The following B3GALNT1 variants were observed in gnomAD, a reference collection of about 807,000 sequenced individuals.
The protein encoded by B3GALNT1 is UDP-GalNAc:beta-1,3-N-acetylgalactosaminyltransferase 1.
Under a neutral mutation model 27.3 loss-of-function variants are expected in B3GALNT1, and 17 were observed. That is an observed-to-expected ratio of 0.62 (90% confidence interval 0.43 to 0.94). The LOEUF is 0.94. B3GALNT1 is among the 40% of genes least tolerant of loss of function. B3GALNT1 has a pLI of 0.00. For synonymous variants in B3GALNT1, 141 were observed against 144.0 expected, an observed-to-expected ratio of 0.98 and a Z score of 0.15; for missense variants, 347 against 390.0, an observed-to-expected ratio of 0.89 and a Z score of 0.93.
chr3:161,090,183 A>C (rs1366728261), intron 4 of B3GALNT1: 1 of 154,324 alleles, frequency 6.5e-6, no homozygotes, highest in African/African-American at 2.4e-5. Flanking sequence ...AACCATCCAA[A>C]AAGATAATTT....
Position 161,086,023 on chromosome 3 carries a change from T to G in B3GALNT1, c.732A>C (p.Ile244=). The change falls in exon 5 of 5, where the codon ATA becomes ATC. Residue 244 remains isoleucine (I), a synonymous_variant. Coordinates refer to ENST00000320474, the MANE Select transcript of B3GALNT1 (RefSeq NM_003781.4). ...TCCTTGGCACCAAATCTCTGGACATTATATAACCCAACCCACTGCAGTATG... is the reference window on the plus strand; with the variant it reads ...TCCTTGGCACCAAATCTCTGGACATGATATAACCCAACCCACTGCAGTATG... ...FPPYCSGLGY[I]MSRDLVPRIY... 6.3e-7 allele frequency: 1 copy of G among 1,587,956 alleles called. No homozygotes were observed. Among genetic ancestry groups the G allele is most frequent in the Non-Finnish European group, 8.6e-7 (1 of 1,169,328 alleles).
intron 3 of B3GALNT1, among the ~76,000 whole-genome samples, chr3:161,102,801 T>C (rs1348199280): frequency 6.6e-6 from 1 of 152,122 alleles, no homozygotes; most frequent in African/African-American, 2.4e-5. Context: ...CTGGACATGA[T>C]ATAGTTGTGA....
intron 2 of B3GALNT1, 71 bp downstream of exon 2, chr3:161,104,248 T>C (rs1167057941): frequency 8.3e-7 from 1 of 1,201,042 alleles, no homozygotes; most frequent in African/African-American, 1.6e-5. Context: ...GCCCTTCTTT[T>C]GCTTAAGCCT....
At chr3:161,100,336 T>TG (rs1730558273) in intron 4 of B3GALNT1, among the ~76,000 whole-genome samples, 1 of 152,136 alleles carries the variant, frequency 6.6e-6, no homozygotes, top group South Asian at 2.1e-4. Context: ...TGTCACACAG[T>TG]TTTAGGTAGA....
rs1250730181 is a variant in B3GALNT1, at chr3:161,084,223, T to C, written c.*1536A>G. 1 of 152,184 alleles carries C rather than the reference T, an allele frequency of 6.6e-6. No homozygotes were observed. Among genetic ancestry groups the C allele is most frequent in the Non-Finnish European group, 1.5e-5 (1 of 68,022 alleles). The allele number at this position is 152,184 out of a possible 1,614,324, so 9.4% of individuals were successfully genotyped here. On this transcript the variant is annotated 3_prime_UTR_variant, in exon 5 of 5. Transcript: ENST00000320474. ...TGTCTTAAAGAACGTGACTCCTATA[T>C]GGATGGAGATTAACAAGGGCATAGA...
intron 4 of B3GALNT1, among the ~76,000 whole-genome samples, chr3:161,099,801 C>T (rs1461592724): frequency 6.6e-6 from 1 of 151,132 alleles, no homozygotes; most frequent in African/African-American, 2.5e-5. Context: ...ATTGTGTCCC[C>T]CTTCTCTAAC....
chr3:161,090,728 C>T (rs1724618816), intron 4 of B3GALNT1, among the ~76,000 whole-genome samples: 1 of 151,810 alleles, frequency 6.6e-6, no homozygotes, highest in Non-Finnish European at 1.5e-5. Flanking sequence ...TTTAGAAGCT[C>T]AAAATCCTTA....
intron 3 of B3GALNT1, among the ~76,000 whole-genome samples, chr3:161,102,217 C>A (rs916300145): frequency 2.0e-5 from 3 of 152,126 alleles, no homozygotes; most frequent in Admixed American, 2.0e-4. Flanking sequence ...AGATAACAGA[C>A]ACAGAAAGAG....
chr3:161,086,735 G>A lies in B3GALNT1; in HGVS notation c.20C>T (p.Thr7Ile). 1 of 1,614,060 alleles carries A rather than the reference G, an allele frequency of 6.2e-7. No individual in the cohort carries two copies. The highest frequency in any genetic ancestry group is 1.7e-5 in the Admixed American group (1 of 59,986). ...CAGTGACATCCTACTCGGAAGGACA[G>A]TCCAGAGAGCCGAGGCCATCCACAG... MASALW[T>I]VLPSRMSLRS... Residue 7 changes from threonine (T) to isoleucine (I), a missense_variant, in exon 5 of 5, where the codon ACT becomes ATT. Transcript: ENST00000320474.
At position 161,085,913 on chromosome 3, in the gene B3GALNT1, AT is replaced by A; in HGVS notation, c.841del (p.Ile281PhefsTer22). 1 of 1,612,122 alleles carries A rather than the reference AT, an allele frequency of 6.2e-7. No individual in the cohort carries two copies. Among genetic ancestry groups the A allele is most frequent in the Non-Finnish European group, 8.5e-7 (1 of 1,179,132 alleles). ...AAGATTTGTGTCTTCTGGAATATGA[AT>A]GTTCACTTTTAATAAATTCAAACAG... ...GICLNLLKVNIHIPEDTNLFF... is the reference protein window; with the variant it reads ...GICLNLLKVNXHIPEDTNLFF... On this transcript the variant is annotated frameshift_variant, in exon 5 of 5. Coordinates refer to ENST00000320474, the MANE Select transcript of B3GALNT1 (RefSeq NM_003781.4). LOFTEE classifies it high-confidence loss of function.
rs540176884 is a variant in B3GALNT1, at chr3:161,103,315, T to C, written c.-130+112A>G. On this transcript the variant is annotated intron_variant, in intron 3 of 4. Transcript: ENST00000320474. ...CTGATGAAAGAATCGTACTAGAATA[T>C]ACAACAAACTTCGTGGCTGCATCAA... 8.5e-5 allele frequency: 31 copies of C among 364,448 alleles called. 1 individual carries two copies. Among genetic ancestry groups the C allele is most frequent in the South Asian group, 7.2e-4 (30 of 41,458 alleles). 22.6% of individuals were successfully genotyped at this position (364,448 alleles called of 1,614,324 possible).
In B3GALNT1 at chr3:161,085,906, A is replaced by C. The variant is rs752423733; in HGVS notation, c.849T>G (p.Ile283Met). 6.2e-7 allele frequency: 1 copy of C among 1,612,698 alleles called. No individual in the cohort carries two copies. The highest frequency in any genetic ancestry group is 8.5e-7 in the Non-Finnish European group (1 of 1,179,360). Residue 283 changes from isoleucine (I) to methionine (M), a missense_variant, in exon 5 of 5, where the codon ATT becomes ATG. By Grantham distance (10) the Ile-to-Met change is conservative (BLOSUM62 1). Transcript: ENST00000320474. ...GAAAGAAAAGATTTGTGTCTTCTGG[A>C]ATATGAATGTTCACTTTTAATAAAT... ...CLNLLKVNIH[I>M]PEDTNLFFLY...
At chr3:161,095,425 A>G (rs1727589630) in intron 4 of B3GALNT1, among the ~76,000 whole-genome samples, 1 of 152,240 alleles carries the variant, frequency 6.6e-6, no homozygotes, top group African/African-American at 2.4e-5. Flanking sequence ...TGACTTAGCA[A>G]GTTTAGGGCA....
At chr3:161,099,966 G>A (rs1479474849) in intron 4 of B3GALNT1, among the ~76,000 whole-genome samples, 1 of 152,188 alleles carries the variant, frequency 6.6e-6, no homozygotes, top group Non-Finnish European at 1.5e-5. Context: ...TTGGTGAAGG[G>A]TTTATCATCT....
At chr3:161,101,563 C>T (rs1731296343) in intron 3 of B3GALNT1, among the ~76,000 whole-genome samples, 1 of 152,138 alleles carries the variant, frequency 6.6e-6, no homozygotes, top group South Asian at 2.1e-4. Flanking sequence ...GTTGCCGACA[C>T]TCAATGCAGA....
At chr3:161,104,944 C>G (rs1560025209) in intron 1 of B3GALNT1, 1 of 152,152 alleles carries the variant, frequency 6.6e-6, no homozygotes, top group South Asian at 2.1e-4. Context: ...CGGCCGCGGC[C>G]TGGGCCTGGG....
Position 161,086,434 on chromosome 3 carries a change from C to A in B3GALNT1, c.321G>T (p.Trp107Cys). 6.2e-7 allele frequency: 1 copy of A among 1,613,936 alleles called. No homozygotes were observed. The highest frequency in any genetic ancestry group is 8.5e-7 in the Non-Finnish European group (1 of 1,180,030). ...AAAATGTAAGAACCTCATATCCCCA[C>A]CAAGACTTTTTTTCACCCCAAGTAA... ...IRVTWGEKKS[W>C]WGYEVLTFFL... is the part of the protein sequence containing the mutation. Residue 107 changes from tryptophan to cysteine, a missense_variant, in exon 5 of 5, where the codon TGG becomes TGT. Transcript: ENST00000320474.
chr3:161,101,755 G>T (rs916653277), intron 3 of B3GALNT1, among the ~76,000 whole-genome samples: 3 of 152,188 alleles, frequency 2.0e-5, no homozygotes, highest in African/African-American at 7.2e-5. Flanking sequence ...TAAATTTAGA[G>T]CCTGTTATCA....
chr3:161,098,967 TG>T (rs1729715466), intron 4 of B3GALNT1, among the ~76,000 whole-genome samples: 1 of 152,230 alleles, frequency 6.6e-6, no homozygotes, highest in African/African-American at 2.4e-5. Flanking sequence ...TAAAGAGAGC[TG>T]GACACTTAAA....
Sources: allele counts gnomAD v4.1 joint callset (sites outside exome capture counted in the v4.1 genomes callset), GRCh38; gene constraint gnomAD v4.1.1; transcripts MANE v1.5; gene names NCBI Gene and HGNC (gene_info 2026-07-23, HGNC 2026-07-21).